PRTN3: variants seen among roughly 807,000 people sequenced by gnomAD.
PRTN3 encodes the protein myeloblastin.
PRTN3 carries 22 observed loss-of-function variants against 20.7 expected under a neutral mutation model. The observed-to-expected ratio is 1.06, with a 90% CI of 0.76 to 1.52. The LOEUF (loss-of-function observed/expected upper bound fraction) is 1.52, where lower values mean the gene tolerates loss of function less well. Ranked by LOEUF, PRTN3 falls within the 40% of genes most tolerant of loss-of-function variation. The pLI is 0.00. For synonymous variants in PRTN3, 173 were observed against 152.9 expected (o/e 1.13, Z -0.97); for missense variants, 378 against 359.6 (o/e 1.05, Z -0.41).
At chr19:847,101 T>C (rs1002426666) in intron 4 of PRTN3, among the ~76,000 whole-genome samples, 4 of 151,508 alleles carry the variant, frequency 2.6e-5, no homozygotes, top group African/African-American at 7.3e-5. Flanking sequence ...AGTCCAGGAG[T>C]TCAAGACCAG....
Position 843,489 on chromosome 19 carries a change from C to T in PRTN3, c.90C>T (p.Gly30=), listed in dbSNP as rs1282652147. ...CTGCCCGAGCTGCGGAGATCGTGGG[C>T]GGGCACGAGGCGCAGCCACACTCCC... The part of the protein sequence containing the change: ...SGAARAAEIV[G]GHEAQPHSRP... Residue 30 remains glycine, a synonymous_variant, in exon 2 of 5, where the codon GGC becomes GGT. Coordinates refer to ENST00000234347, the MANE Select transcript of PRTN3 (RefSeq NM_002777.4). The T allele has an allele frequency of 8.9e-6, 14 of 1,579,626 alleles. No individual in the cohort carries two copies. Among genetic ancestry groups the T allele is most frequent in the Middle Eastern group, 3.3e-4 (2 of 6,012 alleles).
intron 4 of PRTN3, among the ~76,000 whole-genome samples, chr19:846,784 C>T (rs770238358): frequency 7.9e-5 from 12 of 152,118 alleles, no homozygotes; most frequent in Non-Finnish European, 1.3e-4. Context: ...GCTCTGTTGT[C>T]CAGGCTGGAG....
chr19:846,523 A>G, intron 4 of PRTN3, 146 bp downstream of exon 4: 1 of 836,754 alleles, frequency 1.2e-6, no homozygotes. Flanking sequence ...CCAACACCCA[A>G]CGGGCAGGCT....
intron 1 of PRTN3, chr19:843,235 A>T (rs1389611635): frequency 5.4e-6 from 3 of 553,286 alleles, no homozygotes; most frequent in Non-Finnish European, 9.6e-6. Flanking sequence ...GCGTCTTAAA[A>T]GCCTTCCTGA....
Position 844,220 on chromosome 19 carries a change from CCGCCTCTCCCCCGCCCG to C in PRTN3, c.369+215_369+231del, listed in dbSNP as rs1292235978. Reference sequence around the variant, plus strand: ...TTGGACACCAGGCCACTCCTCCTCCCCGCCTCTCCCCCGCCCGCGCCTCTCCCCCGCCCGCGCCTCTC... The same window carrying C: ...TTGGACACCAGGCCACTCCTCCTCCCCGCCTCTCCCCCGCCCGCGCCTCTC... On this transcript the variant is annotated intron_variant, in intron 3 of 4. Transcript: ENST00000234347. Among the ~76,000 whole-genome samples, 680 of 101,492 alleles carry C rather than the reference CCGCCTCTCCCCCGCCCG, an allele frequency of 6.7e-3. 21 individuals carry two copies. Among genetic ancestry groups the C allele is most frequent in the African/African-American group, 0.028 (529 of 18,952 alleles). 66.6% of individuals were successfully genotyped at this position (101,492 alleles called of 152,430 possible).
chr19:846,404 C>A, intron 4 of PRTN3, 27 bp downstream of exon 4: 1 of 1,543,340 alleles, frequency 6.5e-7, no homozygotes, highest in South Asian at 1.2e-5. Context: ...CCACCCCGGG[C>A]ACCGGGCTGC....
chr19:846,002 C>A, intron 3 of PRTN3, 145 bp from the exon 4 acceptor site: 1 of 564,712 alleles, frequency 1.8e-6, no homozygotes, highest in East Asian at 3.2e-5. Context: ...ACAAATGGGA[C>A]AAAGGGGGTC....
Position 843,595 on chromosome 19 carries a change from G to T in PRTN3, c.196G>T (p.Val66Leu). 1 of 1,599,478 alleles carries T rather than the reference G, an allele frequency of 6.3e-7. No homozygotes were observed. Among genetic ancestry groups the T allele is most frequent in the Non-Finnish European group, 8.5e-7 (1 of 1,177,230 alleles). The part of the protein sequence containing the change: ...CGGTLIHPSF[V>L]LTAAHCLRDI... ...AGGCACCTTGATCCACCCCAGCTTCGTGCTGACGGCCGCGCACTGCCTGCG... is the reference window on the plus strand; with the variant it reads ...AGGCACCTTGATCCACCCCAGCTTCTTGCTGACGGCCGCGCACTGCCTGCG... The change falls in exon 2 of 5, where the codon GTG becomes TTG. Residue 66 changes from valine (V) to leucine (L), a missense_variant. Val to Leu is a conservative substitution (Grantham distance 32, BLOSUM62 1). Coordinates refer to ENST00000234347, the MANE Select transcript of PRTN3 (RefSeq NM_002777.4).
At chr19:842,325 T>TTC (rs914755236) in intron 1 of PRTN3, among the ~76,000 whole-genome samples, 2 of 150,912 alleles carry the variant, frequency 1.3e-5, no homozygotes, top group African/African-American at 4.9e-5. Flanking sequence ...CTGATTTTTT[T>TTC]TTTTTTTTTT....
intron 1 of PRTN3, 191 bp from the exon 2 acceptor site, chr19:843,270 A>G: frequency 1.7e-6 from 1 of 591,786 alleles, no homozygotes; most frequent in Non-Finnish European, 2.9e-6. Context: ...AGCTGCCACC[A>G]GGGCGCCTTT....
At chr19:846,530 G>A (rs998473475) in intron 4 of PRTN3, among the ~76,000 whole-genome samples, 153 bp downstream of exon 4, 3 of 151,758 alleles carry the variant, frequency 2.0e-5, no homozygotes, top group Non-Finnish European at 4.4e-5. Context: ...CCAACGGGCA[G>A]GCTCAGCGGG....
chr19:841,938 A>G (rs1454491901), intron 1 of PRTN3, among the ~76,000 whole-genome samples: 2 of 151,860 alleles, frequency 1.3e-5, no homozygotes, highest in African/African-American at 4.8e-5. Flanking sequence ...GGTGTTAGCC[A>G]GGATGGTCTC....
Position 846,336 on chromosome 19 carries a change from A to G in PRTN3, c.559A>G (p.Ile187Val), listed in dbSNP as rs914417032. The change falls in exon 4 of 5, where the codon ATT becomes GTT. Residue 187 changes from isoleucine to valine, a missense_variant. Ile to Val is a conservative substitution (Grantham distance 29, BLOSUM62 3). Transcript: ENST00000234347. ...CACCTTCTTCTGCCGGCCACATAAC[A>G]TTTGCACTTTCGTCCCTCGCCGCAA... Reference protein sequence around the residue: ...VVTFFCRPHNICTFVPRRKAG... With the variant: ...VVTFFCRPHNVCTFVPRRKAG... The G allele has an allele frequency of 3.8e-6, 6 of 1,585,384 alleles. 1 individual carries two copies. In the Admixed American group the frequency reaches 5.3e-5, roughly 14 times the overall value.
intron 3 of PRTN3, among the ~76,000 whole-genome samples, chr19:844,315 C>CGCCCGCGCCTCTCCCCT (rs2035488469): frequency 3.9e-5 from 3 of 77,778 alleles, no homozygotes; most frequent in Non-Finnish European, 7.4e-5. Flanking sequence ...GCCTCTCCCC[C>CGCCCGCGCCTCTCCCCT]GCCCGCGCCT....
At position 841,019 on chromosome 19, in the gene PRTN3, G is replaced by T. The variant is rs140104242; in HGVS notation, c.11G>T (p.Arg4Leu). Residue 4 changes from arginine to leucine, a missense_variant, in exon 1 of 5, where the codon CGG becomes CTG. By Grantham distance (102) the Arg-to-Leu change is moderately radical. Transcript: ENST00000234347. MAH[R>L]PPSPALASVL... ...ACCCTGGACCCCACCATGGCTCACC[G>T]GCCCCCCAGCCCTGCCCTGGCGTCC... The T allele has an allele frequency of 1.2e-5, 20 of 1,609,154 alleles. No homozygotes were observed. The highest frequency in any genetic ancestry group is 1.7e-5 in the Non-Finnish European group (20 of 1,179,748).
chr19:842,182 C>A (rs1394714696), intron 1 of PRTN3, among the ~76,000 whole-genome samples: 1 of 151,764 alleles, frequency 6.6e-6, no homozygotes, highest in Non-Finnish European at 1.5e-5. Flanking sequence ...CACACCACCA[C>A]ACCTGGCTAG....
chr19:845,490 G>A (rs1568300028), intron 3 of PRTN3, among the ~76,000 whole-genome samples: 2 of 151,762 alleles, frequency 1.3e-5, no homozygotes, highest in South Asian at 2.1e-4. Flanking sequence ...CGAGGCGGGC[G>A]GATCGCCTGA....
At chr19:841,187 T>A in intron 1 of PRTN3, 118 bp downstream of exon 1, 2 of 1,344,800 alleles carry the variant, frequency 1.5e-6, no homozygotes, top group South Asian at 2.7e-5. Context: ...TGAGGCAGGG[T>A]CAGGGGAGAC....
At position 843,993 on chromosome 19, in the gene PRTN3, T is replaced by C. The variant is rs755618494; in HGVS notation, c.328T>C (p.Tyr110His). 15 of 1,606,226 alleles carry C rather than the reference T, an allele frequency of 9.3e-6. 1 individual carries two copies. In the South Asian group the frequency reaches 1.5e-4, roughly 16 times the overall value. The change falls in exon 3 of 5, where the codon TAC becomes CAC. Residue 110 changes from tyrosine (Y) to histidine (H), a missense_variant. Physicochemically the swap from Tyr to His is moderately conservative, Grantham distance 83. Transcript: ENST00000234347. ...GGTGGCTCAGGTGTTTCTGAACAAC[T>C]ACGACGCGGAGAACAAACTGAACGA... ...FSVAQVFLNN[Y>H]DAENKLNDVL...
Sources: gnomAD v4.1 joint callset for allele counts (sites outside exome capture counted in the v4.1 genomes callset) on GRCh38, gnomAD v4.1.1 for gene constraint, MANE v1.5 for transcripts, NCBI Gene and HGNC (gene_info 2026-07-23, HGNC 2026-07-21) for gene names.